The following GRM7 variants were observed in gnomAD, a reference collection of about 807,000 sequenced individuals.
GRM7 encodes the protein metabotropic glutamate receptor 7.
A neutral mutation model predicts 84.5 loss-of-function variants in GRM7; 35 were observed. That is an observed-to-expected ratio of 0.41 (90% CI 0.32 to 0.55). The LOEUF is 0.55. GRM7 is among the 20% of genes least tolerant of loss of function. The probability of loss-of-function intolerance (pLI) is 0.19; values close to 1 mark genes in which losing one functional copy is unlikely to be tolerated. For missense variants in GRM7, 1,003 were observed against 1,194.6 expected (o/e 0.84, Z 2.36); for synonymous variants, 487 against 455.1 (o/e 1.07, Z -0.89).
intron 8 of GRM7, among the ~76,000 whole-genome samples, chr3:7,589,074 C>T (rs971450497): frequency 1.3e-5 from 2 of 152,198 alleles, no homozygotes; most frequent in Admixed American, 6.5e-5. Flanking sequence ...CTCTGGTAAC[C>T]TTCCCAGTTC....
At chr3:7,693,660 C>G (rs1333387964) in intron 9 of GRM7, 2 of 1,530,962 alleles carry the variant, frequency 1.3e-6, no homozygotes, top group African/African-American at 2.7e-5. Flanking sequence ...TACTGACCAT[C>G]TGCACTGGCA....
intron 7 of GRM7, among the ~76,000 whole-genome samples, chr3:7,572,823 AATATATATATATATATAT>A (rs1158871205): frequency 0.011 from 135 of 12,460 alleles, 1 homozygote; most frequent in South Asian, 0.02. Context: ...CTCTATCTCA[AATATATATATATATATAT>A]ATATATATAT....
chr3:7,716,619 A>G (rs1172965133), intron 9 of GRM7, among the ~76,000 whole-genome samples: 2 of 152,196 alleles, frequency 1.3e-5, no homozygotes, highest in Admixed American at 6.5e-5. Context: ...AATGAAATTA[A>G]CAGCCCCAGT....
chr3:7,611,657 A>T (rs1696851534), intron 8 of GRM7, among the ~76,000 whole-genome samples: 1 of 152,214 alleles, frequency 6.6e-6, no homozygotes, highest in Admixed American at 6.5e-5. Context: ...GTTCTTGCTC[A>T]TAAAAGTTGC....
intron 7 of GRM7, among the ~76,000 whole-genome samples, chr3:7,553,390 C>T (rs1158461786): frequency 1.3e-5 from 2 of 152,214 alleles, no homozygotes; most frequent in Non-Finnish European, 2.9e-5. Context: ...CAACCTCTGC[C>T]TGTTATCCAG....
At chr3:7,534,171 G>T (rs887395203) in intron 7 of GRM7, among the ~76,000 whole-genome samples, 2 of 151,868 alleles carry the variant, frequency 1.3e-5, no homozygotes, top group African/African-American at 2.4e-5. Context: ...ACACCACCAC[G>T]CCTGGCTAAT....
At chr3:7,175,673 G>A (rs2125092036) in intron 2 of GRM7, among the ~76,000 whole-genome samples, 1 of 152,180 alleles carries the variant, frequency 6.6e-6, no homozygotes, top group African/African-American at 2.4e-5. Context: ...GAGTAGCTGG[G>A]ACTACAGGCA....
rs182437090 is a variant in GRM7, at chr3:7,592,411, T to C, written c.2451+13054T>C. Among the ~76,000 whole-genome samples, 221 of 152,284 alleles carry C rather than the reference T, an allele frequency of 1.5e-3. 1 individual carries two copies. The highest frequency in any genetic ancestry group is 4.8e-3 in the African/African-American group (200 of 41,566). ...GAGGAGATCTAAGAGAAGAGCATTCTGGGTAGAGAGACCAGCAGGTGCTGA... is the reference window on the plus strand; with the variant it reads ...GAGGAGATCTAAGAGAAGAGCATTCCGGGTAGAGAGACCAGCAGGTGCTGA... On this transcript the variant is annotated intron_variant, in intron 8 of 9. Transcript: ENST00000357716.
At position 7,569,637 on chromosome 3, in the gene GRM7, T is replaced by G. The variant is rs189627601; in HGVS notation, c.1516-8785T>G. Among the ~76,000 whole-genome samples the G allele has an allele frequency of 1.5e-4, 23 of 152,256 alleles. No individual in the cohort carries two copies. In the East Asian group the frequency reaches 4.5e-3, roughly 30 times the overall value. On this transcript the variant is annotated intron_variant, in intron 7 of 9. Transcript: ENST00000357716. ...CAATAAATCTTGCTGCTCCTCACCC[T>G]TTGGGTCCACACTGCCTTTATGAGC...
At chr3:7,452,545 A>C (rs929999266) in intron 5 of GRM7, 62 bp from the exon 6 acceptor site, 31 of 1,119,186 alleles carry the variant, frequency 2.8e-5, no homozygotes, top group Middle Eastern at 2.5e-4. Flanking sequence ...TGGACATTCT[A>C]CTCAATGCCA....
At chr3:7,051,961 AT>A (rs934828045) in intron 1 of GRM7, among the ~76,000 whole-genome samples, 49 of 151,198 alleles carry the variant, frequency 3.2e-4, no homozygotes, top group African/African-American at 8.7e-4. Context: ...ACATTAATTA[AT>A]TTTTTTTTGT....
chr3:7,069,071 AT>A (rs1196783568), intron 1 of GRM7, among the ~76,000 whole-genome samples: 1 of 150,814 alleles, frequency 6.6e-6, no homozygotes, highest in Non-Finnish European at 1.5e-5. Context: ...ATATATATAT[AT>A]ATCATATATT....
At chr3:7,706,907 C>A (rs150968299) in intron 9 of GRM7, among the ~76,000 whole-genome samples, 5 of 152,032 alleles carry the variant, frequency 3.3e-5, no homozygotes, top group African/African-American at 9.7e-5. Context: ...GAGGAGGCAC[C>A]CAGACCAGCA....
chr3:6,908,495 G>A (rs993019244), intron 1 of GRM7, among the ~76,000 whole-genome samples: 12 of 152,074 alleles, frequency 7.9e-5, no homozygotes, highest in Admixed American at 1.3e-4. Flanking sequence ...GAGGTTCAGA[G>A]AGGCTACATG....
In GRM7 at chr3:7,093,715, G is replaced by T. The variant is rs7610910; in HGVS notation, c.520-52737G>T. ...AAAAAAAAAAAAAAAAAAAAAAAAA[G>T]GTAGTTAGTGGCCTTTGCTCTTTTA... is the stretch of plus-strand genomic sequence containing the variant. On this transcript the variant is annotated intron_variant, in intron 1 of 9. Coordinates refer to ENST00000357716, the MANE Select transcript of GRM7 (RefSeq NM_000844.4). 1.3e-4 allele frequency among the ~76,000 whole-genome samples: 7 copies of T among 55,190 alleles called. 1 individual carries two copies. In the South Asian group the frequency reaches 1.8e-3, roughly 14 times the overall value. 36.2% of individuals were successfully genotyped at this position (55,190 alleles called of 152,430 possible).
intron 5 of GRM7, among the ~76,000 whole-genome samples, chr3:7,429,022 A>G (rs1696725200): frequency 6.6e-6 from 1 of 152,152 alleles, no homozygotes; most frequent in Admixed American, 6.5e-5. Flanking sequence ...ATGCATTTCT[A>G]GAAGTTGTTA....
intron 8 of GRM7, among the ~76,000 whole-genome samples, chr3:7,592,599 C>T (rs187850732): frequency 2.0e-5 from 3 of 152,270 alleles, no homozygotes; most frequent in Admixed American, 2.0e-4. Context: ...GATGGAGGCA[C>T]AGCATGATCT....
chr3:7,024,087 T>G (rs1695884783), intron 1 of GRM7, among the ~76,000 whole-genome samples: 1 of 152,156 alleles, frequency 6.6e-6, no homozygotes. Flanking sequence ...TAACTTCTCT[T>G]TTTCTTCCAG....
intron 1 of GRM7, among the ~76,000 whole-genome samples, chr3:6,864,659 T>G (rs985799382): frequency 1.3e-5 from 2 of 152,164 alleles, no homozygotes; most frequent in Admixed American, 6.5e-5. Flanking sequence ...TTAGGGACCA[T>G]GCCAAACCGA....
Sources: allele counts gnomAD v4.1 joint callset (sites outside exome capture counted in the v4.1 genomes callset), GRCh38; gene constraint gnomAD v4.1.1; transcripts MANE v1.5; gene names NCBI Gene and HGNC (gene_info 2026-07-23, HGNC 2026-07-21).